The following ITPR1 variants were observed in gnomAD, a reference collection of about 807,000 sequenced individuals.
ITPR1 encodes inositol 1,4,5-trisphosphate-gated calcium channel ITPR1.
Under a neutral mutation model 318.4 loss-of-function variants are expected in ITPR1, and 96 were observed. The observed-to-expected ratio is 0.30, with a 90% confidence interval of 0.26 to 0.36. The LOEUF (loss-of-function observed/expected upper bound fraction) is 0.36. Ranked by LOEUF, ITPR1 falls within the 10% of genes least tolerant of loss-of-function variation. The pLI, the probability that ITPR1 is intolerant of heterozygous loss-of-function variation, is 1.00. For synonymous variants in ITPR1, 1,312 were observed against 1,289.9 expected (o/e 1.02, Z -0.37); for missense variants, 2,440 against 3,460.2 (o/e 0.71, Z 7.40).
chr3:4,683,458 G>A lies in ITPR1; in HGVS notation c.3234G>A (p.Thr1078=), dbSNP rs774079144. Residue 1078 remains threonine, a synonymous_variant, in exon 27 of 62, where the codon ACG becomes ACA. Transcript: ENST00000649015. ...RTFLRVLLHL[T]MHDYPPLVSG... is the part of the protein sequence containing the mutation. ...TTCTCCGTGTCCTGCTCCACTTGAC[G>A]ATGCATGACTACCCACCCCTGGTGT... 16 of 1,613,902 alleles carry A rather than the reference G, an allele frequency of 9.9e-6. No individual in the cohort carries two copies. Among genetic ancestry groups the A allele is most frequent in the East Asian group, 4.5e-5 (2 of 44,900 alleles).
At chr3:4,648,584 C>T (rs558049395) in intron 10 of ITPR1, among the ~76,000 whole-genome samples, 4 of 152,212 alleles carry the variant, frequency 2.6e-5, no homozygotes, top group East Asian at 1.9e-4. Context: ...CCGAGGTGGG[C>T]GGTTCACTGA....
intron 2 of ITPR1, among the ~76,000 whole-genome samples, chr3:4,515,408 G>C (rs2082108980): frequency 6.6e-6 from 1 of 152,152 alleles, no homozygotes. Flanking sequence ...GATGGGGAAA[G>C]GGGTGTAAAG....
chr3:4,703,530 C>T (rs1455835301), intron 36 of ITPR1, among the ~76,000 whole-genome samples: 1 of 152,256 alleles, frequency 6.6e-6, no homozygotes, highest in Middle Eastern at 3.4e-3. Context: ...GACCCATTCC[C>T]CACCCCCTAT....
intron 5 of ITPR1, among the ~76,000 whole-genome samples, chr3:4,635,675 G>A (rs2093168395): frequency 6.6e-6 from 1 of 151,930 alleles, no homozygotes; most frequent in African/African-American, 2.4e-5. Flanking sequence ...CTCACAGTGA[G>A]GGCCCATTCT....
At chr3:4,609,089 T>TATATATATATATATAC (rs1171860541) in intron 4 of ITPR1, among the ~76,000 whole-genome samples, 9 of 91,938 alleles carry the variant, frequency 9.8e-5, no homozygotes, top group Non-Finnish European at 1.6e-4. Flanking sequence ...TATATATATA[T>TATATATATATATATAC]ACACACACAC....
At chr3:4,519,757 T>C (rs1202848463) in intron 3 of ITPR1, among the ~76,000 whole-genome samples, 1 of 145,332 alleles carries the variant, frequency 6.9e-6, no homozygotes, top group Admixed American at 7.1e-5. Context: ...AAACTGCTGG[T>C]GGGGTACCAT....
chr3:4,738,956 G>T (rs2043495923), intron 44 of ITPR1, among the ~76,000 whole-genome samples: 1 of 152,190 alleles, frequency 6.6e-6, no homozygotes, highest in Non-Finnish European at 1.5e-5. Flanking sequence ...TGTGACCCCT[G>T]GGGGGCCCAG....
At chr3:4,808,102 A>G (rs1325430096) in intron 55 of ITPR1, among the ~76,000 whole-genome samples, 1 of 152,252 alleles carries the variant, frequency 6.6e-6, no homozygotes, top group African/African-American at 2.4e-5. Flanking sequence ...CGCAGGGCAC[A>G]TAATGGTGAG....
At chr3:4,647,804 T>C (rs1326380575) in intron 10 of ITPR1, among the ~76,000 whole-genome samples, 1 of 152,186 alleles carries the variant, frequency 6.6e-6, no homozygotes, top group Admixed American at 6.5e-5. Context: ...TTTGTTCAGA[T>C]AGTTTGCCCA....
At chr3:4,821,063 A>C (rs1015012262) in intron 60 of ITPR1, among the ~76,000 whole-genome samples, 5 of 152,186 alleles carry the variant, frequency 3.3e-5, no homozygotes, top group Non-Finnish European at 7.4e-5. Context: ...GCTGGGAGGG[A>C]AAATCAGGTG....
intron 4 of ITPR1, among the ~76,000 whole-genome samples, chr3:4,524,575 A>C (rs750149761): frequency 5.3e-5 from 8 of 152,128 alleles, no homozygotes; most frequent in Non-Finnish European, 8.8e-5. Flanking sequence ...CAATCAGCAG[A>C]GCTGCATGTA....
chr3:4,495,812 A>G (rs1160025136), intron 2 of ITPR1, among the ~76,000 whole-genome samples: 3 of 152,212 alleles, frequency 2.0e-5, no homozygotes, highest in East Asian at 3.8e-4. Context: ...GCTGTACTGC[A>G]TCCCACAAAT....
At chr3:4,509,585 G>A (rs1341602678) in intron 2 of ITPR1, among the ~76,000 whole-genome samples, 1 of 152,188 alleles carries the variant, frequency 6.6e-6, no homozygotes, top group Non-Finnish European at 1.5e-5. Context: ...TGAGGCCAGA[G>A]TTCAAGACCA....
intron 2 of ITPR1, among the ~76,000 whole-genome samples, chr3:4,494,968 A>G (rs2080436952): frequency 6.6e-6 from 1 of 152,174 alleles, no homozygotes; most frequent in Non-Finnish European, 1.5e-5. Context: ...GGTTGCTGCA[A>G]GTTGAAAGAA....
intron 48 of ITPR1, among the ~76,000 whole-genome samples, chr3:4,778,152 C>T (rs2046598638): frequency 6.6e-6 from 1 of 152,198 alleles, no homozygotes; most frequent in African/African-American, 2.4e-5. Flanking sequence ...CTAAAGTATA[C>T]CCAGAAAACC....
chr3:4,559,697 C>T (rs2086483294), intron 4 of ITPR1, among the ~76,000 whole-genome samples: 1 of 152,132 alleles, frequency 6.6e-6, no homozygotes, highest in Non-Finnish European at 1.5e-5. Context: ...TAGGAGCCAG[C>T]CATTTTATTA....
chr3:4,748,490 G>A (rs1316506344), intron 44 of ITPR1, among the ~76,000 whole-genome samples: 2 of 151,886 alleles, frequency 1.3e-5, no homozygotes, highest in Non-Finnish European at 1.5e-5. Context: ...AATTTCTGCT[G>A]GTGTCTTTCT....
At chr3:4,686,245 C>T (rs966516726) in intron 30 of ITPR1, among the ~76,000 whole-genome samples, 1 of 152,196 alleles carries the variant, frequency 6.6e-6, no homozygotes, top group African/African-American at 2.4e-5. Flanking sequence ...CTGTCGCCTT[C>T]TACTCCAGGA....
At chr3:4,740,055 G>T (rs977166412) in intron 44 of ITPR1, among the ~76,000 whole-genome samples, 1 of 152,174 alleles carries the variant, frequency 6.6e-6, no homozygotes, top group Admixed American at 6.5e-5. Context: ...ACATTCTATT[G>T]GTCAAAGCCA....
Sources: allele counts gnomAD v4.1 joint callset (sites outside exome capture counted in the v4.1 genomes callset), GRCh38; gene constraint gnomAD v4.1.1; transcripts MANE v1.5; gene names NCBI Gene and HGNC (gene_info 2026-07-23, HGNC 2026-07-21).